Variants in CBFB observed in about 807,000 individuals in gnomAD.
The protein encoded by CBFB is CBF-beta.
Under a neutral mutation model 30.4 loss-of-function variants are expected in CBFB, and 9 were observed. That is an observed-to-expected ratio of 0.30 (90% CI 0.18 to 0.52). The LOEUF (loss-of-function observed/expected upper bound fraction) is 0.52, where lower values mean the gene tolerates loss of function less well. CBFB is among the 20% of genes least tolerant of loss of function. The probability of loss-of-function intolerance (pLI) is 0.97; values close to 1 mark genes in which losing one functional copy is unlikely to be tolerated. For synonymous variants in CBFB, 94 were observed against 84.0 expected, an observed-to-expected ratio of 1.12 and a Z score of -0.65; for missense variants, 170 against 244.0, an observed-to-expected ratio of 0.70 and a Z score of 2.02.
chr16:67,062,294 G>A (rs1223324984), intron 3 of CBFB, among the ~76,000 whole-genome samples: 1 of 149,420 alleles, frequency 6.7e-6, no homozygotes, highest in African/African-American at 2.4e-5. Context: ...TCAGCCTCCC[G>A]AGTAGCTGGG....
chr16:67,091,904 G>A (rs570193880), intron 5 of CBFB, among the ~76,000 whole-genome samples: 121 of 151,930 alleles, frequency 8.0e-4, no homozygotes, highest in African/African-American at 2.6e-3. Flanking sequence ...GCAGAGTTTC[G>A]CCTTTGTTGC....
chr16:67,029,583 C>G (rs879265233), intron 1 of CBFB, 98 bp downstream of exon 1: 503 of 1,354,588 alleles, frequency 3.7e-4, no homozygotes, highest in Non-Finnish European at 4.9e-4. Flanking sequence ...GAGTCCCGGT[C>G]GGTGCGCCCG....
At position 67,100,734 on chromosome 16, in the gene CBFB, C is replaced by A. The variant is rs1441581137; in HGVS notation, c.*1956C>A. 1 of 218,396 alleles carries A rather than the reference C, an allele frequency of 4.6e-6. No homozygotes were observed. The highest frequency in any genetic ancestry group is 2.2e-5 in the African/African-American group (1 of 44,542). 13.5% of individuals were successfully genotyped at this position (218,396 alleles called of 1,614,324 possible). Reference sequence around the variant, plus strand: ...ATAAGATCAAATGCTCTTAAATGTTCCTGTTACCATCCTAATGTAAATACT... The same window carrying A: ...ATAAGATCAAATGCTCTTAAATGTTACTGTTACCATCCTAATGTAAATACT... On this transcript the variant is annotated 3_prime_UTR_variant, in exon 6 of 6. Coordinates refer to ENST00000412916, the MANE Select transcript of CBFB (RefSeq NM_022845.3).
intron 5 of CBFB, among the ~76,000 whole-genome samples, chr16:67,098,021 A>G (rs563067144): frequency 1.5e-4 from 23 of 152,380 alleles, no homozygotes; most frequent in African/African-American, 5.5e-4. Flanking sequence ...AGCTATTACT[A>G]AAAGGAAGAG....
At chr16:67,078,744 G>A (rs1357604114) in intron 4 of CBFB, among the ~76,000 whole-genome samples, 3 of 152,138 alleles carry the variant, frequency 2.0e-5, no homozygotes, top group Non-Finnish European at 4.4e-5. Context: ...TGCCTTCAGG[G>A]GTTCAAGTGA....
Position 67,045,039 on chromosome 16 carries a change from A to G in CBFB, c.282+8284A>G, listed in dbSNP as rs1966598039. On this transcript the variant is annotated intron_variant, in intron 3 of 5. Coordinates refer to ENST00000412916, the MANE Select transcript of CBFB (RefSeq NM_022845.3). ...GTTTTTAAAAATATGCTTTAGATAAACTATAATACTCTAATAATAACGGAA... is the reference window on the plus strand; with the variant it reads ...GTTTTTAAAAATATGCTTTAGATAAGCTATAATACTCTAATAATAACGGAA... Among the ~76,000 whole-genome samples, 7 of 152,198 alleles carry G rather than the reference A, an allele frequency of 4.6e-5. No homozygotes were observed. The South Asian group carries it at 1.4e-3, about 31-fold the overall frequency.
chr16:67,084,990 T>C (rs1002236042), intron 5 of CBFB, among the ~76,000 whole-genome samples: 1 of 152,246 alleles, frequency 6.6e-6, no homozygotes, highest in Admixed American at 6.5e-5. Context: ...GAAACCACTT[T>C]TAGCGTATGT....
intron 5 of CBFB, among the ~76,000 whole-genome samples, chr16:67,085,900 G>C (rs1051565864): frequency 1.3e-5 from 2 of 151,570 alleles, no homozygotes; most frequent in African/African-American, 4.9e-5. Flanking sequence ...GGATGGTCTC[G>C]ATCTCCTGAC....
chr16:67,080,031 G>GC (rs1351336502), intron 4 of CBFB, among the ~76,000 whole-genome samples: 1 of 152,184 alleles, frequency 6.6e-6, no homozygotes, highest in Admixed American at 6.6e-5. Flanking sequence ...CTGGGAGGTT[G>GC]CAGTGAGCAG....
In CBFB at chr16:67,092,696, A is replaced by ATTTTTTTTTTTTT. The variant is rs1162307047; in HGVS notation, c.496-6013_496-6012insTTTTTTTTTTTTT. ...ACCCAGGCTAGGTTACAGTGGTGCA[A>ATTTTTTTTTTTTT]TCTTTTTTTTTTTTTTTTTTTTTTT... is the stretch of plus-strand genomic sequence containing the variant. On this transcript the variant is annotated intron_variant, in intron 5 of 5. Coordinates refer to ENST00000412916, the MANE Select transcript of CBFB (RefSeq NM_022845.3). 8.7e-4 allele frequency among the ~76,000 whole-genome samples: 82 copies of ATTTTTTTTTTTTT among 94,656 alleles called. 2 individuals are homozygous for ATTTTTTTTTTTTT. The highest frequency in any genetic ancestry group is 2.0e-3 in the African/African-American group (43 of 21,148). 62.1% of individuals were successfully genotyped at this position (94,656 alleles called of 152,430 possible). A position where few individuals can be genotyped will look rare whatever the true frequency, so the allele number is the denominator to read the frequency against.
chr16:67,058,113 C>T (rs1039868562), intron 3 of CBFB, among the ~76,000 whole-genome samples: 3 of 151,750 alleles, frequency 2.0e-5, no homozygotes, highest in Non-Finnish European at 2.9e-5. Flanking sequence ...TGACATCACA[C>T]TAGTTATTCA....
At chr16:67,074,289 A>G (rs939033472) in intron 4 of CBFB, among the ~76,000 whole-genome samples, 7 of 152,156 alleles carry the variant, frequency 4.6e-5, no homozygotes, top group African/African-American at 7.2e-5. Context: ...GGACAATAAA[A>G]CATTTCTGTG....
At chr16:67,030,232 A>G (rs1381571052) in intron 2 of CBFB, 2 of 163,368 alleles carry the variant, frequency 1.2e-5, no homozygotes, top group African/African-American at 4.8e-5. Flanking sequence ...CTCTGTGTCA[A>G]GCGGTCTCAC....
intron 2 of CBFB, 122 bp downstream of exon 2, chr16:67,029,935 C>T (rs1423830124): frequency 8.9e-6 from 5 of 563,180 alleles, no homozygotes; most frequent in African/African-American, 2.0e-5. Flanking sequence ...CGCCGTCTCA[C>T]TTCCTACTCG....
chr16:67,094,655 C>G (rs569975337), intron 5 of CBFB, among the ~76,000 whole-genome samples: 7 of 152,138 alleles, frequency 4.6e-5, no homozygotes, highest in Non-Finnish European at 7.3e-5. Flanking sequence ...TTCTTCATTG[C>G]TTGGCCCCTT....
chr16:67,083,468 G>A (rs1441412373), intron 5 of CBFB, among the ~76,000 whole-genome samples: 1 of 151,886 alleles, frequency 6.6e-6, no homozygotes, highest in Non-Finnish European at 1.5e-5. Flanking sequence ...GCTAATTTTT[G>A]TATTTTTAGT....
At chr16:67,055,855 G>A (rs1960708775) in intron 3 of CBFB, among the ~76,000 whole-genome samples, 1 of 152,200 alleles carries the variant, frequency 6.6e-6, no homozygotes, top group African/African-American at 2.4e-5. Flanking sequence ...TATGAACAGG[G>A]AGGTGCATGT....
intron 2 of CBFB, chr16:67,030,110 A>AAG (rs1966309798): frequency 6.5e-6 from 2 of 308,358 alleles, no homozygotes; most frequent in Admixed American, 1.1e-4. Flanking sequence ...GGCGACACCG[A>AAG]AGAAGGGTTC....
At chr16:67,045,897 G>C (rs1472556437) in intron 3 of CBFB, among the ~76,000 whole-genome samples, 2 of 150,824 alleles carry the variant, frequency 1.3e-5, no homozygotes, top group Admixed American at 1.3e-4. Context: ...CCAGGTTCAA[G>C]CGATTCTCCT....
Sources: gnomAD v4.1 joint callset for allele counts (sites outside exome capture counted in the v4.1 genomes callset) on GRCh38, gnomAD v4.1.1 for gene constraint, MANE v1.5 for transcripts, NCBI Gene and HGNC (gene_info 2026-07-23, HGNC 2026-07-21) for gene names.